Variants in UBE2E3 observed in about 807,000 individuals in gnomAD.
UBE2E3 encodes ubiquitin conjugating enzyme E2 E3, also known as ubiquitin-conjugating enzyme E2 E3.
A neutral mutation model predicts 23.6 loss-of-function variants in UBE2E3; 5 were observed. That is an observed-to-expected ratio of 0.21 (90% CI 0.11 to 0.44). The LOEUF is 0.44. Ranked by LOEUF, UBE2E3 falls within the 20% of genes least tolerant of loss-of-function variation. The pLI, the probability that UBE2E3 is intolerant of heterozygous loss-of-function variation, is 0.99. For missense variants in UBE2E3, 81 were observed against 249.8 expected (o/e 0.32, Z 4.55); for synonymous variants, 78 against 87.5 (o/e 0.89, Z 0.60).
intron 3 of UBE2E3, among the ~76,000 whole-genome samples, chr2:181,012,991 C>T (rs556846978): frequency 1.6e-3 from 244 of 152,146 alleles, no homozygotes; most frequent in Non-Finnish European, 2.9e-3. Flanking sequence ...AAGACATGCA[C>T]ATTAATTTTT....
chr2:181,045,725 A>G (rs1686654453), intron 3 of UBE2E3, among the ~76,000 whole-genome samples: 1 of 152,158 alleles, frequency 6.6e-6, no homozygotes, highest in African/African-American at 2.4e-5. Context: ...TAGTAACCAC[A>G]TCAATTAACT....
At chr2:181,008,048 A>T (rs113621423) in intron 3 of UBE2E3, among the ~76,000 whole-genome samples, 43 of 152,308 alleles carry the variant, frequency 2.8e-4, no homozygotes, top group African/African-American at 9.4e-4. Context: ...TCTGGCTTTT[A>T]AAAAAGTAGG....
intron 3 of UBE2E3, among the ~76,000 whole-genome samples, chr2:181,015,063 C>T (rs115814004): frequency 3.3e-5 from 5 of 151,976 alleles, no homozygotes; most frequent in Admixed American, 6.6e-5. Flanking sequence ...CAAAGAAAAA[C>T]GAAGTACAGA....
At chr2:181,005,982 G>C (rs1685137282) in intron 3 of UBE2E3, among the ~76,000 whole-genome samples, 1 of 152,156 alleles carries the variant, frequency 6.6e-6, no homozygotes, top group Non-Finnish European at 1.5e-5. Context: ...TATAATTATA[G>C]CTAAGCCAAG....
intron 5 of UBE2E3, among the ~76,000 whole-genome samples, chr2:181,062,450 A>G (rs1285436595): frequency 6.6e-6 from 1 of 151,672 alleles, no homozygotes; most frequent in Non-Finnish European, 1.5e-5. Context: ...TGAACTATTC[A>G]TAAGCAGAAA....
At chr2:181,046,359 G>T (rs961444371) in intron 3 of UBE2E3, among the ~76,000 whole-genome samples, 1 of 152,092 alleles carries the variant, frequency 6.6e-6, no homozygotes, top group African/African-American at 2.4e-5. Flanking sequence ...TTCCATACCT[G>T]CCCTCGTATA....
chr2:181,060,864 T>TTA, intron 5 of UBE2E3, 52 bp downstream of exon 5: 1 of 83,916 alleles, frequency 1.2e-5, no homozygotes, highest in South Asian at 3.0e-4. Context: ...ACGAGTGCTT[T>TTA]TTTTTTTTTT....
chr2:181,001,703 G>A (rs561681290), intron 3 of UBE2E3, among the ~76,000 whole-genome samples: 22 of 152,218 alleles, frequency 1.4e-4, no homozygotes, highest in African/African-American at 5.3e-4. Flanking sequence ...AGAGGAGCTG[G>A]GATTTCGAAG....
At chr2:181,035,812 T>A (rs998345875) in intron 3 of UBE2E3, among the ~76,000 whole-genome samples, 4 of 152,172 alleles carry the variant, frequency 2.6e-5, no homozygotes, top group Non-Finnish European at 5.9e-5. Context: ...CCCAAGGGTT[T>A]TTACCACAGG....
At chr2:181,022,608 C>G (rs898381007) in intron 3 of UBE2E3, among the ~76,000 whole-genome samples, 1 of 151,922 alleles carries the variant, frequency 6.6e-6, no homozygotes, top group Non-Finnish European at 1.5e-5. Flanking sequence ...TCACAGCCTT[C>G]TTGCACTTAG....
intron 3 of UBE2E3, among the ~76,000 whole-genome samples, chr2:180,994,415 T>TA (rs1240278028): frequency 6.6e-6 from 1 of 152,134 alleles, no homozygotes; most frequent in Non-Finnish European, 1.5e-5. Context: ...ATTATTACAT[T>TA]AAAAAAATCT....
At chr2:180,991,568 C>G (rs78829801) in intron 3 of UBE2E3, among the ~76,000 whole-genome samples, 5,983 of 152,330 alleles carry the variant, frequency 0.039, 224 homozygotes, top group African/African-American at 0.094. Flanking sequence ...CCTTGGGCCA[C>G]CTGGTGGCCA....
At chr2:180,987,201 A>G in intron 3 of UBE2E3, 3 of 958,266 alleles carry the variant, frequency 3.1e-6, no homozygotes, top group Non-Finnish European at 4.6e-6. Flanking sequence ...TACATAAAGT[A>G]TAAATAATTT....
At chr2:181,039,676 C>A (rs1353730036) in intron 3 of UBE2E3, among the ~76,000 whole-genome samples, 1 of 152,002 alleles carries the variant, frequency 6.6e-6, no homozygotes, top group African/African-American at 2.4e-5. Context: ...CTTGCAAAGT[C>A]GAAAAATTCA....
At position 181,031,511 on chromosome 2, in the gene UBE2E3, TTTTA is replaced by T. The variant is rs200648787; in HGVS notation, c.246-26173_246-26170del. 5.2e-3 allele frequency among the ~76,000 whole-genome samples: 789 copies of T among 152,294 alleles called. 21 individuals carry two copies. The highest frequency in any genetic ancestry group is 0.045 in the Admixed American group (692 of 15,290). On this transcript the variant is annotated intron_variant, in intron 3 of 5. Transcript: ENST00000410062. ...TAAAGTACCACATTACTCTGTGTGT[TTTTA>T]TTTATTTAGTCTGACAGTCTTTTAA...
chr2:181,043,035 T>A (rs1686561763), intron 3 of UBE2E3, among the ~76,000 whole-genome samples: 1 of 152,170 alleles, frequency 6.6e-6, no homozygotes, highest in Non-Finnish European at 1.5e-5. Context: ...AGCTTAAAAG[T>A]CAAGTCTTAT....
At chr2:181,031,842 A>G (rs990880494) in intron 3 of UBE2E3, among the ~76,000 whole-genome samples, 1 of 152,230 alleles carries the variant, frequency 6.6e-6, no homozygotes, top group Non-Finnish European at 1.5e-5. Flanking sequence ...GTATAAGACA[A>G]TGATTGTGAA....
chr2:181,021,073 A>G (rs1377573616), intron 3 of UBE2E3, among the ~76,000 whole-genome samples: 1 of 152,222 alleles, frequency 6.6e-6, no homozygotes, highest in Non-Finnish European at 1.5e-5. Flanking sequence ...GAAAAGTAGT[A>G]ATTATTTCAG....
intron 1 of UBE2E3, 155 bp downstream of exon 1, chr2:180,981,128 T>G (rs2105558020): frequency 1.4e-5 from 2 of 145,544 alleles, no homozygotes; most frequent in South Asian, 4.3e-4. Context: ...CTCGCATCAC[T>G]TGGCGCCCGG....
Sources: allele counts gnomAD v4.1 joint callset (sites outside exome capture counted in the v4.1 genomes callset), GRCh38; gene constraint gnomAD v4.1.1; transcripts MANE v1.5; gene names NCBI Gene and HGNC (gene_info 2026-07-23, HGNC 2026-07-21).